Variants in CNOT3 observed in about 807,000 individuals in gnomAD.
CNOT3 encodes CCR4-NOT transcription complex subunit 3, also known as CCR4-associated factor 3.
Under a neutral mutation model 89.4 loss-of-function variants are expected in CNOT3, and 2 were observed. That is an observed-to-expected ratio of 0.02 (90% confidence interval 0.01 to 0.07). The LOEUF is 0.07. CNOT3 is among the 10% of genes least tolerant of loss of function. The pLI, the probability that CNOT3 is intolerant of heterozygous loss-of-function variation, is 1.00. For missense variants in CNOT3, 664 were observed against 1,010.2 expected (o/e 0.66, Z 4.65); for synonymous variants, 486 against 402.0 (o/e 1.21, Z -2.50).
chr19:54,141,881 G>A (rs2074463418), intron 1 of CNOT3: 1 of 152,192 alleles, frequency 6.6e-6, no homozygotes, highest in Non-Finnish European at 1.5e-5. Flanking sequence ...TGAGGCATAA[G>A]CCTCTCTTCC....
intron 10 of CNOT3, among the ~76,000 whole-genome samples, chr19:54,146,942 GGT>G (rs1396245450): frequency 2.6e-5 from 4 of 152,236 alleles, no homozygotes; most frequent in Non-Finnish European, 5.9e-5. Context: ...GGCAGGGAGA[GGT>G]GGCAGCCAGT....
At position 54,148,242 on chromosome 19, in the gene CNOT3, C is replaced by A; in HGVS notation, c.989C>A (p.Ala330Asp). Residue 330 changes from alanine to aspartate, a missense_variant, in exon 11 of 18, where the codon GCT (alanine) becomes GAT (aspartate). By Grantham distance (126) the Ala-to-Asp change is moderately radical. This residue lies in a region of CNOT3 where 545 missense variants were observed against 566.2 expected (regional missense o/e 0.96). Transcript: ENST00000221232. This position sits in a 1 kb window ranked among gnomAD's most constrained non-coding sequence, Gnocchi z 6.3. ...ACCTACCCCTCCGGCCCCCCGCCTG[C>A]TGCCTCTGCCTTGAGCACCACTCCT... Reference protein sequence around the residue: ...PPTYPSGPPPAASALSTTPGN... With the variant: ...PPTYPSGPPPDASALSTTPGN... 1 of 1,603,438 alleles carries A rather than the reference C, an allele frequency of 6.2e-7. No homozygotes were observed. The highest frequency in any genetic ancestry group is 8.5e-7 in the Non-Finnish European group (1 of 1,174,462).
chr19:54,142,000 C>T (rs1340620723), intron 1 of CNOT3: 1 of 152,180 alleles, frequency 6.6e-6, no homozygotes, highest in East Asian at 1.9e-4. Flanking sequence ...CAGGTAACTT[C>T]CTTTAAAATA....
intron 1 of CNOT3, among the ~76,000 whole-genome samples, chr19:54,141,020 T>C (rs2074427817): frequency 1.3e-5 from 2 of 151,986 alleles, no homozygotes; most frequent in South Asian, 4.1e-4. Flanking sequence ...AAAGAGGGAG[T>C]GTAAACTCTC....
chr19:54,146,074 GT>G, intron 9 of CNOT3, 31 bp downstream of exon 9: 1 of 1,608,628 alleles, frequency 6.2e-7, no homozygotes. Context: ...AGTACCTTGT[GT>G]TTCCAGCAGG....
rs748188991 is a variant in CNOT3 at position 54,143,639 on chromosome 19, T to C, written c.169-21T>C. 8 of 1,613,342 alleles carry C rather than the reference T, an allele frequency of 5.0e-6. No homozygotes were observed. The African/African-American group carries it at 8.0e-5, about 16-fold the overall frequency. On this transcript the variant is annotated intron_variant, in intron 4 of 17. Coordinates refer to ENST00000221232, the MANE Select transcript of CNOT3 (RefSeq NM_014516.4). ...GTTCCTGGGTCCTGAGGTCTGACTTTCTTGCTTTTCCCATCTGCAGCGGCT... is the reference window on the plus strand; with the variant it reads ...GTTCCTGGGTCCTGAGGTCTGACTTCCTTGCTTTTCCCATCTGCAGCGGCT...
chr19:54,152,274 A>C lies in CNOT3; in HGVS notation c.1654A>C (p.Ile552Leu), dbSNP rs762040124. The change falls in exon 14 of 18, where the codon ATC becomes CTC. Residue 552 changes from isoleucine (I) to leucine (L), a missense_variant. Transcript: ENST00000221232. ...GAAGTCCATGGCGGAACGGGCAGCC[A>C]TCAGCTCTGGCATTGAGGACCCTGT... is the stretch of plus-strand genomic sequence containing the variant. ...SLKSMAERAA[I>L]SSGIEDPVPT... 4 of 1,614,026 alleles carry C rather than the reference A, an allele frequency of 2.5e-6. No individual in the cohort carries two copies. The African/African-American group carries it at 5.3e-5, about 22-fold the overall frequency.
intron 1 of CNOT3, among the ~76,000 whole-genome samples, chr19:54,139,172 C>T (rs2074348271): frequency 6.6e-6 from 1 of 152,194 alleles, no homozygotes; most frequent in Admixed American, 6.5e-5. Context: ...CCGGGGTGAG[C>T]TCTCCTGTCC....
chr19:54,152,442 A>G lies in CNOT3; in HGVS notation c.1720A>G (p.Ser574Gly), dbSNP rs2075173337. 6.2e-7 allele frequency: 1 copy of G among 1,614,182 alleles called. No individual in the cohort carries two copies. Among genetic ancestry groups the G allele is most frequent in the South Asian group, 1.1e-5 (1 of 91,090 alleles). ...CCTCCCCACAGACATCATCCTGAGC[A>G]GTACATCAGCACCTCCGGCCTCAGC... ...HLTERDIILS[S>G]TSAPPASAQP... Residue 574 changes from serine (S) to glycine (G), a missense_variant, in exon 15 of 18, where the codon AGT (serine) becomes GGT (glycine). By Grantham distance (56) the Ser-to-Gly change is moderately conservative. Around this residue, in one of 8 missense-constraint regions of CNOT3, gnomAD observed 545 missense variants for 566.2 expected, o/e 0.96. Coordinates refer to ENST00000221232, the MANE Select transcript of CNOT3 (RefSeq NM_014516.4).
chr19:54,147,963 GC>G (rs754649610), intron 10 of CNOT3, among the ~76,000 whole-genome samples, 184 bp from the exon 11 acceptor site: 4 of 152,140 alleles, frequency 2.6e-5, no homozygotes, highest in Non-Finnish European at 5.9e-5. Flanking sequence ...AGTGTTTTAA[GC>G]ATGAAGGTGA....
rs1230342397 is a variant in CNOT3, at chr19:54,144,454, C to CA, written c.483+124dup. Reference sequence around the variant, plus strand: ...CCTGGATTCCTCAGGCGGACAGGGCCAACAGCCGGGATTAGGGATTTGAGA... The same window carrying CA: ...CCTGGATTCCTCAGGCGGACAGGGCCAAACAGCCGGGATTAGGGATTTGAGA... On this transcript the variant is annotated intron_variant, in intron 7 of 17. Coordinates refer to ENST00000221232, the MANE Select transcript of CNOT3 (RefSeq NM_014516.4). This position sits in a 1 kb window ranked among gnomAD's most constrained non-coding sequence, Gnocchi z 4.8. 6.1e-5 allele frequency: 44 copies of CA among 724,612 alleles called. No homozygotes were observed. The Admixed American group carries it at 9.9e-4, about 16-fold the overall frequency. 44.9% of individuals were successfully genotyped at this position (724,612 alleles called of 1,614,324 possible).
At chr19:54,154,293 A>G (rs967306547) in intron 17 of CNOT3, 3 of 330,226 alleles carry the variant, frequency 9.1e-6, no homozygotes, top group South Asian at 7.3e-5. Flanking sequence ...TGGGCTTCTC[A>G]AGTTCTAATA....
Position 54,145,870 on chromosome 19 carries a change from G to C in CNOT3, c.704-40G>C. On this transcript the variant is annotated intron_variant, in intron 8 of 17. Coordinates refer to ENST00000221232, the MANE Select transcript of CNOT3 (RefSeq NM_014516.4). This position sits in a 1 kb window ranked among gnomAD's most constrained non-coding sequence, Gnocchi z 5.9. ...AGGAAGTGAGGGCCCAGAATGGGCT[G>C]TGTGAGCCAGCTAAGCATGCCCTTC... 6.2e-7 allele frequency: 1 copy of C among 1,611,672 alleles called. No individual in the cohort carries two copies. The highest frequency in any genetic ancestry group is 8.5e-7 in the Non-Finnish European group (1 of 1,178,454).
intron 12 of CNOT3, among the ~76,000 whole-genome samples, chr19:54,149,107 C>G (rs2074893730): frequency 6.6e-6 from 1 of 152,242 alleles, no homozygotes; most frequent in African/African-American, 2.4e-5. Flanking sequence ...CCTTATTCCT[C>G]TGCAGCCACT....
At chr19:54,143,930 G>T (rs587761517) in intron 5 of CNOT3, 76 bp from the exon 6 acceptor site, 3 of 1,564,938 alleles carry the variant, frequency 1.9e-6, no homozygotes, top group East Asian at 2.2e-5. Flanking sequence ...CGAGGCTCAG[G>T]TCGGAGTGTC....
At chr19:54,152,190 C>T (rs1354174345) in intron 13 of CNOT3, 36 bp from the exon 14 acceptor site, 5 of 1,609,636 alleles carry the variant, frequency 3.1e-6, no homozygotes, top group Admixed American at 1.7e-5. Context: ...TCCTGCAGCC[C>T]AAGTGCTCAG....
chr19:54,147,502 A>G (rs1186481590), intron 10 of CNOT3, among the ~76,000 whole-genome samples: 2 of 152,142 alleles, frequency 1.3e-5, no homozygotes, highest in Non-Finnish European at 2.9e-5. Context: ...TGCCCAGGAG[A>G]GAAGTGGGTA....
At chr19:54,140,869 G>A (rs1472031621) in intron 1 of CNOT3, among the ~76,000 whole-genome samples, 2 of 152,180 alleles carry the variant, frequency 1.3e-5, no homozygotes, top group African/African-American at 4.8e-5. Flanking sequence ...TAGGATACCA[G>A]TCCTTTCCGT....
In CNOT3 at chr19:54,143,156, C is replaced by T. The variant is rs149889819; in HGVS notation, c.63C>T (p.Gly21=). Residue 21 remains glycine, a synonymous_variant, in exon 3 of 18, where the codon GGC becomes GGT. Transcript: ENST00000221232. ...GCTGCCTCAAGAAGGTGTCCGAGGG[C>T]GTGGAGCAGTTTGAAGATATTTGGC... is the stretch of plus-strand genomic sequence containing the variant. ...IDRCLKKVSE[G]VEQFEDIWQK... The T allele has an allele frequency of 3.8e-5, 61 of 1,613,958 alleles. No individual in the cohort carries two copies. In the Middle Eastern group the frequency reaches 4.9e-4, roughly 13 times the overall value.
Sources: allele counts gnomAD v4.1 joint callset (sites outside exome capture counted in the v4.1 genomes callset), GRCh38; gene constraint gnomAD v4.1.1; regional missense constraint gnomAD v4.1.1; non-coding constraint Gnocchi (gnomAD v3.1); transcripts MANE v1.5; gene names NCBI Gene and HGNC (gene_info 2026-07-23, HGNC 2026-07-21).